The following STK10 variants were observed in gnomAD, a reference collection of about 807,000 sequenced individuals.
The protein encoded by STK10 is serine/threonine kinase 10.
A neutral mutation model predicts 113.8 loss-of-function variants in STK10; 78 were observed. That is an observed-to-expected ratio of 0.69 (90% CI 0.57 to 0.83). STK10 has a LOEUF of 0.83. STK10 is among the 40% of genes least tolerant of loss of function. The pLI, the probability that STK10 is intolerant of heterozygous loss-of-function variation, is 0.00. For missense variants in STK10, 1,109 were observed against 1,280.1 expected (o/e 0.87, Z 2.04); for synonymous variants, 465 against 494.7 (o/e 0.94, Z 0.80).
intron 18 of STK10, among the ~76,000 whole-genome samples, chr5:172,051,289 A>G (rs1767620908): frequency 6.6e-6 from 1 of 152,200 alleles, no homozygotes; most frequent in Non-Finnish European, 1.5e-5. Context: ...CTGTAGTCCC[A>G]GCTAGTCGGG....
At position 172,055,617 on chromosome 5, in the gene STK10, C is replaced by T. The variant is rs753448576; in HGVS notation, c.2497G>A (p.Ala833Thr). The T allele has an allele frequency of 9.1e-6, 14 of 1,546,382 alleles. No individual in the cohort carries two copies. Among genetic ancestry groups the T allele is most frequent in the African/African-American group, 5.5e-5 (4 of 72,608 alleles). ...KSLHINGGGSAAEQREKIKQF... is the reference protein window; with the variant it reads ...KSLHINGGGSTAEQREKIKQF... ...TTGATCTTCTCACGCTGCTCAGCTG[C>T]GCTGCCCCCGCCGTTGATGTGGAGG... Residue 833 changes from alanine (A) to threonine (T), a missense_variant, in exon 16 of 19, where the codon GCA becomes ACA. Transcript: ENST00000176763.
At chr5:172,164,136 C>T (rs193184890) in intron 1 of STK10, among the ~76,000 whole-genome samples, 90 of 149,350 alleles carry the variant, frequency 6.0e-4, no homozygotes, top group African/African-American at 2.0e-3. Context: ...CACTTGAACC[C>T]GGGAGGCGGA....
intron 1 of STK10, among the ~76,000 whole-genome samples, chr5:172,175,763 G>T (rs1217577602): frequency 6.6e-6 from 1 of 152,130 alleles, no homozygotes; most frequent in Non-Finnish European, 1.5e-5. Flanking sequence ...TTCTCTCTGT[G>T]CTATGCAAGA....
At chr5:172,135,818 G>C (rs1389946655) in intron 2 of STK10, among the ~76,000 whole-genome samples, 2 of 151,952 alleles carry the variant, frequency 1.3e-5, no homozygotes, top group Non-Finnish European at 2.9e-5. Flanking sequence ...CCTGAGGTCA[G>C]GCATTCAAGA....
At chr5:172,052,884 C>T in intron 18 of STK10, 45 bp downstream of exon 18, 4 of 1,596,760 alleles carry the variant, frequency 2.5e-6, no homozygotes, top group Non-Finnish European at 3.4e-6. Flanking sequence ...GTGCATGGCA[C>T]AGAGCAGAGC....
At chr5:172,136,254 A>ATCAT (rs1225785111) in intron 2 of STK10, among the ~76,000 whole-genome samples, 3 of 152,212 alleles carry the variant, frequency 2.0e-5, no homozygotes, top group Non-Finnish European at 4.4e-5. Context: ...ATGAAGAAAC[A>ATCAT]GAAGACCTGA....
chr5:172,183,704 G>C (rs1335926759), intron 1 of STK10, among the ~76,000 whole-genome samples: 1 of 152,122 alleles, frequency 6.6e-6, no homozygotes, highest in African/African-American at 2.4e-5. Flanking sequence ...TGATCCACCA[G>C]CCTCGGCCTC....
rs193209516 is a variant in STK10, at chr5:172,055,956, T to C, written c.2338-180A>G. ...CTAATAACATTATTTGTTCTCACTT[T>C]AAAAATTCTTGTTAATAATATCTTG... is the stretch of plus-strand genomic sequence containing the variant. On this transcript the variant is annotated intron_variant, in intron 15 of 18. Transcript: ENST00000176763. 2.4e-4 allele frequency among the ~76,000 whole-genome samples: 37 copies of C among 152,352 alleles called. 1 individual carries two copies. Among genetic ancestry groups the C allele is most frequent in the Admixed American group, 2.0e-3 (30 of 15,304 alleles).
chr5:172,185,592 G>A (rs1475064604), intron 1 of STK10, among the ~76,000 whole-genome samples: 2 of 152,164 alleles, frequency 1.3e-5, no homozygotes, highest in Non-Finnish European at 2.9e-5. Context: ...TTTAGCATAC[G>A]CTAAAAACAC....
chr5:172,098,256 G>A (rs1443407155), intron 7 of STK10, among the ~76,000 whole-genome samples: 6 of 152,210 alleles, frequency 3.9e-5, no homozygotes, highest in South Asian at 4.1e-4. Context: ...TTGGCCGGGC[G>A]CGGTGGCTCA....
At chr5:172,166,963 C>A (rs1263943998) in intron 1 of STK10, among the ~76,000 whole-genome samples, 2 of 151,980 alleles carry the variant, frequency 1.3e-5, no homozygotes, top group Non-Finnish European at 2.9e-5. Context: ...AGTTCGAGGC[C>A]AGGCTGACCA....
intron 10 of STK10, among the ~76,000 whole-genome samples, chr5:172,088,454 G>A (rs1413932869): frequency 4.6e-5 from 7 of 152,102 alleles, no homozygotes; most frequent in Admixed American, 3.9e-4. Flanking sequence ...AACCCGGGAG[G>A]CAGAAGTTGC....
chr5:172,157,287 G>A (rs879314678), intron 1 of STK10, among the ~76,000 whole-genome samples: 16 of 152,060 alleles, frequency 1.1e-4, no homozygotes, highest in Admixed American at 3.3e-4. Context: ...GGCCGGGTGC[G>A]GTGGCTCACA....
chr5:172,045,488 AC>A (rs1767478243), intron 18 of STK10: 1 of 447,442 alleles, frequency 2.2e-6, no homozygotes, highest in Non-Finnish European at 4.4e-6. Context: ...CATCTCAAAA[AC>A]AAAAACAAAA....
Position 172,042,490 on chromosome 5 carries a change from A to G in STK10, c.*2392T>C, listed in dbSNP as rs1767399173. 1.3e-5 allele frequency: 2 copies of G among 152,600 alleles called. No individual in the cohort carries two copies. Among genetic ancestry groups the G allele is most frequent in the South Asian group, 2.1e-4 (1 of 4,828 alleles). 9.5% of individuals were successfully genotyped at this position (152,600 alleles called of 1,614,324 possible). A position where few individuals can be genotyped will look rare whatever the true frequency, so the allele number is the denominator to read the frequency against. On this transcript the variant is annotated 3_prime_UTR_variant, in exon 19 of 19. Coordinates refer to ENST00000176763, the MANE Select transcript of STK10 (RefSeq NM_005990.4). ...AGGACGAGCCACGAGGGGAATGATC[A>G]CAGACTTTCACCTGAACCATGAAAC...
At chr5:172,167,179 AAG>A (rs1355468164) in intron 1 of STK10, among the ~76,000 whole-genome samples, 3 of 151,990 alleles carry the variant, frequency 2.0e-5, no homozygotes, top group Non-Finnish European at 4.4e-5. Flanking sequence ...AAAGAAAAAA[AAG>A]AAAGGCAACA....
chr5:172,063,393 AG>A (rs1767977010), intron 13 of STK10: 1 of 152,208 alleles, frequency 6.6e-6, no homozygotes, highest in South Asian at 2.1e-4. Flanking sequence ...AATAAACAAC[AG>A]GGTGTCTCTA....
chr5:172,166,924 G>A (rs1339349280), intron 1 of STK10, among the ~76,000 whole-genome samples: 1 of 151,026 alleles, frequency 6.6e-6, no homozygotes, highest in African/African-American at 2.5e-5. Flanking sequence ...CACTTTGAGG[G>A]GCTGAGGCGG....
At chr5:172,049,845 C>T (rs888736996) in intron 18 of STK10, among the ~76,000 whole-genome samples, 1 of 152,146 alleles carries the variant, frequency 6.6e-6, no homozygotes, top group Non-Finnish European at 1.5e-5. Context: ...CTCTTTCGCC[C>T]AGGCTGGAGT....
Sources: gnomAD v4.1 joint callset for allele counts (sites outside exome capture counted in the v4.1 genomes callset) on GRCh38, gnomAD v4.1.1 for gene constraint, MANE v1.5 for transcripts, NCBI Gene and HGNC (gene_info 2026-07-23, HGNC 2026-07-21) for gene names.